FAM227B: variants seen among roughly 807,000 people sequenced by gnomAD.
The protein encoded by FAM227B is protein FAM227B.
In FAM227B, 88 loss-of-function variants were observed where a neutral mutation model predicts 73.8. The ratio of observed to expected loss-of-function variants is 1.19; its 90% CI spans 1.00 to 1.42. The LOEUF is 1.42. FAM227B is among the 40% of genes most tolerant of loss of function. The pLI, the probability that FAM227B is intolerant of heterozygous loss-of-function variation, is 0.00. For synonymous variants in FAM227B, 210 were observed against 190.5 expected, an observed-to-expected ratio of 1.10 and a Z score of -0.84; for missense variants, 632 against 590.9, an observed-to-expected ratio of 1.07 and a Z score of -0.72.
intron 2 of FAM227B, among the ~76,000 whole-genome samples, chr15:49,612,524 A>C (rs1409251691): frequency 6.6e-6 from 1 of 152,220 alleles, no homozygotes; most frequent in Non-Finnish European, 1.5e-5. Flanking sequence ...ATGCATAATA[A>C]GTACTCGCAG....
Position 49,397,802 on chromosome 15 carries a change from C to G in FAM227B, c.1013-26403G>C, listed in dbSNP as rs9744655. ...CTTTACAGACAAGCAAATGCTGAGACATTTTGTCACCACCAGGCCTGCCCT... is the reference window on the plus strand; with the variant it reads ...CTTTACAGACAAGCAAATGCTGAGAGATTTTGTCACCACCAGGCCTGCCCT... On this transcript the variant is annotated intron_variant, in intron 11 of 15. Coordinates refer to ENST00000299338, the MANE Select transcript of FAM227B (RefSeq NM_152647.3). Among the ~76,000 whole-genome samples, 393 of 152,212 alleles carry G rather than the reference C, an allele frequency of 2.6e-3. 1 individual carries two copies. The highest frequency in any genetic ancestry group is 6.8e-3 in the African/African-American group (283 of 41,526).
intron 11 of FAM227B, among the ~76,000 whole-genome samples, chr15:49,453,098 A>G (rs985316141): frequency 2.0e-5 from 3 of 152,118 alleles, no homozygotes; most frequent in African/African-American, 4.8e-5. Context: ...TAATCATCCT[A>G]AAATATTGCA....
At chr15:49,496,098 G>A (rs2057580044) in intron 11 of FAM227B, among the ~76,000 whole-genome samples, 1 of 151,990 alleles carries the variant, frequency 6.6e-6, no homozygotes, top group Admixed American at 6.6e-5. Flanking sequence ...GAATCCTAAA[G>A]CATCTGGCTA....
intron 11 of FAM227B, among the ~76,000 whole-genome samples, chr15:49,412,003 G>A (rs1051112952): frequency 3.3e-5 from 5 of 151,900 alleles, no homozygotes; most frequent in Non-Finnish European, 5.9e-5. Context: ...ATTAAACCAG[G>A]TGACAGTTTG....
chr15:49,379,710 C>T (rs2151514728), intron 11 of FAM227B, among the ~76,000 whole-genome samples: 1 of 152,228 alleles, frequency 6.6e-6, no homozygotes, highest in East Asian at 1.9e-4. Context: ...AAGGTAGAGA[C>T]TCTTTTCTCA....
At chr15:49,549,322 T>TTTTATTTATTTATTTATTTA (rs71120694) in intron 9 of FAM227B, among the ~76,000 whole-genome samples, 4,937 of 147,426 alleles carry the variant, frequency 0.033, 181 homozygotes, top group African/African-American at 0.081. Context: ...TGCATATGTA[T>TTTTATTTATTTATTTATTTA]TTTATTTATT....
chr15:49,327,044 T>TAAC lies in FAM227B; in HGVS notation c.*1521_*1523dup, dbSNP rs1423199933. On this transcript the variant is annotated 3_prime_UTR_variant, in exon 16 of 16. Coordinates refer to ENST00000299338, the MANE Select transcript of FAM227B (RefSeq NM_152647.3). ...AGAAGAATTAATTGTAAGTACATGTTAACTTTCGTGTCAGGATAAATTGCA... is the reference window on the plus strand; with the variant it reads ...AGAAGAATTAATTGTAAGTACATGTTAACAACTTTCGTGTCAGGATAAATTGCA... The TAAC allele has an allele frequency of 6.6e-6, 1 of 152,016 alleles. No individual in the cohort carries two copies. The highest frequency in any genetic ancestry group is 1.5e-5 in the Non-Finnish European group (1 of 68,030). 9.4% of individuals were successfully genotyped at this position (152,016 alleles called of 1,614,324 possible).
intron 1 of FAM227B, among the ~76,000 whole-genome samples, chr15:49,617,745 T>C (rs2078380894): frequency 6.6e-6 from 1 of 151,882 alleles, no homozygotes; most frequent in Admixed American, 6.6e-5. Context: ...GAATCTGAAA[T>C]GGGTCTGCAG....
At chr15:49,382,346 T>C (rs1402629016) in intron 11 of FAM227B, among the ~76,000 whole-genome samples, 1 of 152,106 alleles carries the variant, frequency 6.6e-6, no homozygotes, top group South Asian at 2.1e-4. Flanking sequence ...TTAATGCGTT[T>C]ACTATTTAGC....
intron 11 of FAM227B, among the ~76,000 whole-genome samples, chr15:49,399,269 A>G (rs12915258): frequency 0.62 from 52,213 of 83,574 alleles, 16,860 homozygotes; most frequent in African/African-American, 0.67. Flanking sequence ...TAAATTCCTC[A>G]ACACATACAC....
chr15:49,516,548 A>G (rs2059391134), intron 10 of FAM227B, among the ~76,000 whole-genome samples: 1 of 152,030 alleles, frequency 6.6e-6, no homozygotes, highest in African/African-American at 2.4e-5. Context: ...GGAGGGAGCA[A>G]TATATTTTTA....
intron 12 of FAM227B, chr15:49,367,866 G>GAAAAAAAAAA (rs34096112): frequency 1.3e-4 from 15 of 116,792 alleles, no homozygotes; most frequent in East Asian, 2.5e-4. Flanking sequence ...CTTAAGAACA[G>GAAAAAAAAAA]AAAAAAAAAA....
At chr15:49,392,915 T>C (rs2047311873) in intron 11 of FAM227B, among the ~76,000 whole-genome samples, 1 of 152,120 alleles carries the variant, frequency 6.6e-6, no homozygotes, top group Non-Finnish European at 1.5e-5. Context: ...GAAGAGAGAA[T>C]TTTGAAATGT....
At chr15:49,347,866 C>T (rs1490990335) in intron 13 of FAM227B, among the ~76,000 whole-genome samples, 3 of 151,596 alleles carry the variant, frequency 2.0e-5, no homozygotes, top group South Asian at 4.2e-4. Flanking sequence ...TAAAAATATA[C>T]AAATTAGCTG....
At chr15:49,543,470 C>T (rs1044394193) in intron 9 of FAM227B, among the ~76,000 whole-genome samples, 3 of 151,992 alleles carry the variant, frequency 2.0e-5, no homozygotes, top group Non-Finnish European at 2.9e-5. Flanking sequence ...TTTACTGTGA[C>T]GATTATTTCT....
At chr15:49,388,992 T>C (rs933618157) in intron 11 of FAM227B, among the ~76,000 whole-genome samples, 37 of 151,804 alleles carry the variant, frequency 2.4e-4, no homozygotes, top group African/African-American at 4.8e-4. Flanking sequence ...CAAAAAACAA[T>C]AGAGGTTGGC....
chr15:49,560,998 C>T (rs1255813165), intron 9 of FAM227B, among the ~76,000 whole-genome samples: 2 of 152,074 alleles, frequency 1.3e-5, no homozygotes, highest in Non-Finnish European at 2.9e-5. Flanking sequence ...AAGCTAAGAA[C>T]TTTACAATAG....
In FAM227B at chr15:49,367,428, C is replaced by A; in HGVS notation, c.1271+20G>T. 2 of 1,517,628 alleles carry A rather than the reference C, an allele frequency of 1.3e-6. No homozygotes were observed. Among genetic ancestry groups the A allele is most frequent in the East Asian group, 2.4e-5 (1 of 41,214 alleles). 94.0% of individuals were successfully genotyped at this position (1,517,628 alleles called of 1,614,324 possible). ...ATTTTTGAAAGAAATTATATTAAAG[C>A]AAAGCTTTAAAAAGGATATGGTTCC... On this transcript the variant is annotated intron_variant, in intron 13 of 15. Coordinates refer to ENST00000299338, the MANE Select transcript of FAM227B (RefSeq NM_152647.3).
chr15:49,600,124 ACT>A (rs1362327487), intron 3 of FAM227B, among the ~76,000 whole-genome samples: 1 of 151,994 alleles, frequency 6.6e-6, no homozygotes, highest in African/African-American at 2.4e-5. Flanking sequence ...ATTGTTAGAC[ACT>A]CTTTGCAAAT....
Sources: allele counts gnomAD v4.1 joint callset (sites outside exome capture counted in the v4.1 genomes callset), GRCh38; gene constraint gnomAD v4.1.1; transcripts MANE v1.5; gene names NCBI Gene and HGNC (gene_info 2026-07-23, HGNC 2026-07-21).